The following CTNNBIP1 variants were observed in gnomAD, a reference collection of about 807,000 sequenced individuals.
CTNNBIP1 encodes the protein beta-catenin-interacting protein 1.
CTNNBIP1 carries 7 observed loss-of-function variants against 11.8 expected under a neutral mutation model. That is an observed-to-expected ratio of 0.60 (90% CI 0.34 to 1.12). CTNNBIP1 has a LOEUF of 1.12. CTNNBIP1 is among the 50% of genes most tolerant of loss of function. The pLI, the probability that CTNNBIP1 is intolerant of heterozygous loss-of-function variation, is 0.03. For synonymous variants in CTNNBIP1, 58 were observed against 43.9 expected (o/e 1.32, Z -1.26); for missense variants, 101 against 113.4 (o/e 0.89, Z 0.50).
At chr1:9,884,430 C>T (rs1336588437) in intron 1 of CTNNBIP1, among the ~76,000 whole-genome samples, 1 of 152,026 alleles carries the variant, frequency 6.6e-6, no homozygotes, top group Non-Finnish European at 1.5e-5. Context: ...AGCCCCAGGC[C>T]TCCCAACAGA....
At position 9,883,536 on chromosome 1, in the gene CTNNBIP1, G is replaced by A. The variant is rs926887052; in HGVS notation, c.-110+169C>T. ...CATGCACATGCTCCAACAGGACAGG[G>A]GCTGCTTCAGTAGCTGTAACAACCC... On this transcript the variant is annotated intron_variant, in intron 2 of 5. Transcript: ENST00000377263. This position sits in a 1 kb window ranked among gnomAD's most constrained non-coding sequence, Gnocchi z 5.6. Among the ~76,000 whole-genome samples the A allele has an allele frequency of 6.6e-6, 1 of 152,196 alleles. No homozygotes were observed. The highest frequency in any genetic ancestry group is 1.5e-5 in the Non-Finnish European group (1 of 68,036).
intron 1 of CTNNBIP1, among the ~76,000 whole-genome samples, chr1:9,908,370 CTTTTT>C (rs35640583): frequency 4.1e-5 from 3 of 72,478 alleles, no homozygotes; most frequent in African/African-American, 4.9e-5. Flanking sequence ...TCCACAGATT[CTTTTT>C]TTTTTTTTTT....
At chr1:9,873,445 C>T (rs1465963980) in intron 3 of CTNNBIP1, among the ~76,000 whole-genome samples, 1 of 152,138 alleles carries the variant, frequency 6.6e-6, no homozygotes, top group Non-Finnish European at 1.5e-5. Flanking sequence ...TGGGGAAGGC[C>T]ATAATTTCCT....
At chr1:9,900,146 G>A (rs1228139424) in intron 1 of CTNNBIP1, among the ~76,000 whole-genome samples, 5 of 151,990 alleles carry the variant, frequency 3.3e-5, no homozygotes, top group Non-Finnish European at 7.4e-5. Flanking sequence ...GCTCACGCTT[G>A]TAATCCCAGC....
chr1:9,869,495 T>C (rs943722236), intron 5 of CTNNBIP1, among the ~76,000 whole-genome samples: 4 of 152,082 alleles, frequency 2.6e-5, no homozygotes, highest in Non-Finnish European at 5.9e-5. Context: ...CAGCTAACTT[T>C]TGTATTTTTA....
In CTNNBIP1 at chr1:9,849,039, G is replaced by C. The variant is rs995275726; in HGVS notation, c.*1679C>G. On this transcript the variant is annotated 3_prime_UTR_variant, in exon 6 of 6. Coordinates refer to ENST00000377263, the MANE Select transcript of CTNNBIP1 (RefSeq NM_020248.3). Reference sequence around the variant, plus strand: ...TGGCCCTGGGCACCTAGGGGCCTCAGCATCTACCAGCATAGGGGAGGGTGG... The same window carrying C: ...TGGCCCTGGGCACCTAGGGGCCTCACCATCTACCAGCATAGGGGAGGGTGG... The C allele has an allele frequency of 2.0e-5, 3 of 152,238 alleles. No individual in the cohort carries two copies. The highest frequency in any genetic ancestry group is 2.9e-5 in the Non-Finnish European group (2 of 68,096). The allele number at this position is 152,238 out of a possible 1,614,324, so 9.4% of individuals were successfully genotyped here.
intron 1 of CTNNBIP1, among the ~76,000 whole-genome samples, chr1:9,902,938 T>C (rs1368519847): frequency 6.6e-6 from 1 of 152,120 alleles, no homozygotes; most frequent in East Asian, 1.9e-4. Flanking sequence ...GCTAATTTTT[T>C]GTATTTTTAG....
rs1463999378 is a variant in CTNNBIP1, at chr1:9,883,319, C to T, written c.-110+386G>A. Among the ~76,000 whole-genome samples the T allele has an allele frequency of 1.3e-5, 2 of 152,148 alleles. No individual in the cohort carries two copies. Among genetic ancestry groups the T allele is most frequent in the African/African-American group, 2.4e-5 (1 of 41,422 alleles). ...GTGGGACACCACAGGCAGGACCTCA[C>T]GAGGCCCAGGTGCAGGGCAGAGAGG... On this transcript the variant is annotated intron_variant, in intron 2 of 5. Coordinates refer to ENST00000377263, the MANE Select transcript of CTNNBIP1 (RefSeq NM_020248.3). This position sits in a 1 kb window ranked among gnomAD's most constrained non-coding sequence, Gnocchi z 5.6.
chr1:9,882,463 G>T (rs1305048172), intron 2 of CTNNBIP1, among the ~76,000 whole-genome samples: 1 of 152,182 alleles, frequency 6.6e-6, no homozygotes, highest in Non-Finnish European at 1.5e-5. Context: ...GGAGAAGGAG[G>T]AGTTGGTAGG....
At chr1:9,891,883 C>T (rs1308562030) in intron 1 of CTNNBIP1, among the ~76,000 whole-genome samples, 1 of 143,864 alleles carries the variant, frequency 7.0e-6, no homozygotes, top group Non-Finnish European at 1.5e-5. Context: ...TTCACTGCAA[C>T]CTCTGCCTTC....
Position 9,867,298 on chromosome 1 carries a change from A to G in CTNNBIP1, c.187+3889T>C, listed in dbSNP as rs1638767100. 7.1e-6 allele frequency among the ~76,000 whole-genome samples: 1 copy of G among 141,546 alleles called. No homozygotes were observed. The highest frequency in any genetic ancestry group is 1.5e-5 in the Non-Finnish European group (1 of 68,000). 92.9% of individuals were successfully genotyped at this position (141,546 alleles called of 152,430 possible). On this transcript the variant is annotated intron_variant, in intron 5 of 5. Transcript: ENST00000377263. The surrounding 1 kb of genome is among the most constrained non-coding windows in gnomAD (Gnocchi z 4.6). Reference sequence around the variant, plus strand: ...GGGCCTCTGCTGGAACCACCTGGTGAGCCCGTAAGGGGAGGCCCCCACCCC... The same window carrying G: ...GGGCCTCTGCTGGAACCACCTGGTGGGCCCGTAAGGGGAGGCCCCCACCCC...
intron 5 of CTNNBIP1, among the ~76,000 whole-genome samples, chr1:9,866,468 T>G (rs1638747382): frequency 6.6e-6 from 1 of 151,992 alleles, no homozygotes; most frequent in Non-Finnish European, 1.5e-5. Context: ...CCAAGGTGTA[T>G]GGATCACCTG....
intron 1 of CTNNBIP1, among the ~76,000 whole-genome samples, chr1:9,892,204 T>C (rs1192341522): frequency 6.6e-6 from 1 of 151,600 alleles, no homozygotes; most frequent in African/African-American, 2.4e-5. Flanking sequence ...GGGCGGATCA[T>C]GAGGTCAGGA....
intron 2 of CTNNBIP1, among the ~76,000 whole-genome samples, chr1:9,881,046 T>C (rs1290014117): frequency 6.6e-6 from 1 of 152,178 alleles, no homozygotes; most frequent in Non-Finnish European, 1.5e-5. Flanking sequence ...TCTTTTTTTT[T>C]CTTTTGAGAG....
intron 3 of CTNNBIP1, 56 bp downstream of exon 3, chr1:9,877,849 C>A (rs1319505280): frequency 6.5e-6 from 1 of 152,710 alleles, no homozygotes; most frequent in Non-Finnish European, 1.5e-5. Context: ...CTCCTCACCC[C>A]CCACCCCACA....
intron 2 of CTNNBIP1, among the ~76,000 whole-genome samples, chr1:9,882,694 T>G (rs1639109221): frequency 6.6e-6 from 1 of 151,376 alleles, no homozygotes; most frequent in Non-Finnish European, 1.5e-5. Flanking sequence ...AGGGGCTTGG[T>G]TGGGTAGAGA....
chr1:9,852,874 C>T (rs1040130976), intron 5 of CTNNBIP1, among the ~76,000 whole-genome samples: 1 of 152,170 alleles, frequency 6.6e-6, no homozygotes, highest in Non-Finnish European at 1.5e-5. Context: ...GGGAATGGTG[C>T]ATCTACAGAG....
intron 1 of CTNNBIP1, among the ~76,000 whole-genome samples, chr1:9,889,502 A>G (rs1639254367): frequency 6.6e-6 from 1 of 152,058 alleles, no homozygotes; most frequent in Non-Finnish European, 1.5e-5. Context: ...TGCATCTGCT[A>G]TGCTTTCCAC....
At chr1:9,876,144 A>C (rs1638964507) in intron 3 of CTNNBIP1, among the ~76,000 whole-genome samples, 1 of 152,226 alleles carries the variant, frequency 6.6e-6, no homozygotes, top group Non-Finnish European at 1.5e-5. Context: ...AATTAGACAC[A>C]CTAATTATTC....
Sources: gnomAD v4.1 joint callset for allele counts (sites outside exome capture counted in the v4.1 genomes callset) on GRCh38, gnomAD v4.1.1 for gene constraint, Gnocchi (gnomAD v3.1) non-coding constraint, MANE v1.5 for transcripts, NCBI Gene and HGNC (gene_info 2026-07-23, HGNC 2026-07-21) for gene names.